ARHGAP6: variants seen among roughly 807,000 people sequenced by gnomAD.
ARHGAP6 encodes the protein Rho GTPase activating protein 6.
ARHGAP6 carries 16 observed loss-of-function variants against 55.7 expected under a neutral mutation model. That is an observed-to-expected ratio of 0.29 (90% CI 0.19 to 0.44). The LOEUF is 0.44. Among genes scored for constraint, ARHGAP6 ranks in the 20% least tolerant of loss-of-function variants. The pLI is 1.00. For synonymous variants in ARHGAP6, 382 were observed against 360.9 expected (o/e 1.06, Z -0.66); for missense variants, 698 against 808.9 (o/e 0.86, Z 1.66).
At chrX:11,572,548 A>G (rs1488977451) in intron 1 of ARHGAP6, among the ~76,000 whole-genome samples, 1 of 111,527 alleles carries the variant, frequency 9.0e-6, no homozygotes, top group Non-Finnish European at 1.9e-5. Context: ...ATAGTATTCC[A>G]TGGTGTATAT....
chrX:11,600,569 CA>C (rs774760853), intron 1 of ARHGAP6, among the ~76,000 whole-genome samples: 1 of 112,217 alleles, frequency 8.9e-6, no homozygotes, highest in East Asian at 2.8e-4. Flanking sequence ...ACCTCCTGTG[CA>C]GGGCTAAGTG....
At chrX:11,299,969 T>A (rs1482278237) in intron 1 of ARHGAP6, among the ~76,000 whole-genome samples, 2 of 112,193 alleles carry the variant, frequency 1.8e-5, no homozygotes, top group African/African-American at 3.2e-5. Context: ...TTTCTGAATT[T>A]AAAAAAATCA....
intron 1 of ARHGAP6, among the ~76,000 whole-genome samples, chrX:11,356,999 C>T (rs971371158): frequency 9.0e-6 from 1 of 111,254 alleles, no homozygotes; most frequent in Non-Finnish European, 1.9e-5. Flanking sequence ...TTCAAATATC[C>T]TCTTTACCTC....
At chrX:11,366,694 T>C (rs925395137) in intron 1 of ARHGAP6, among the ~76,000 whole-genome samples, 2 of 112,005 alleles carry the variant, frequency 1.8e-5, no homozygotes, top group African/African-American at 6.5e-5. Context: ...TGCACAGGGA[T>C]GAGTTTCCTT....
chrX:11,378,919 C>T (rs2049231882), intron 1 of ARHGAP6, among the ~76,000 whole-genome samples: 1 of 112,678 alleles, frequency 8.9e-6, no homozygotes, highest in African/African-American at 3.2e-5. Flanking sequence ...TTGATAGACC[C>T]TTCTCTTCAC....
intron 1 of ARHGAP6, chrX:11,265,685 C>G: frequency 5.8e-6 from 5 of 867,241 alleles, no homozygotes; most frequent in Non-Finnish European, 7.0e-6. Context: ...ATATTGCTTA[C>G]CCATAAATTA....
intron 1 of ARHGAP6, among the ~76,000 whole-genome samples, chrX:11,438,262 G>A (rs2050006503): frequency 2.7e-5 from 3 of 112,390 alleles, no homozygotes; most frequent in South Asian, 7.4e-4. Context: ...TTGGGCAGAT[G>A]CCAAAAGCTG....
intron 9 of ARHGAP6, among the ~76,000 whole-genome samples, chrX:11,165,616 T>G (rs1207024533): frequency 8.9e-6 from 1 of 112,197 alleles, no homozygotes; most frequent in Non-Finnish European, 1.9e-5. Flanking sequence ...GGTCACATTG[T>G]TTCATCTTTT....
At chrX:11,357,270 C>T (rs192564523) in intron 1 of ARHGAP6, among the ~76,000 whole-genome samples, 1 of 111,515 alleles carries the variant, frequency 9.0e-6, no homozygotes, top group Admixed American at 9.5e-5. Flanking sequence ...CTTTATTTAC[C>T]TTTTATAATA....
At chrX:11,377,473 T>G (rs1351314476) in intron 1 of ARHGAP6, among the ~76,000 whole-genome samples, 1 of 111,871 alleles carries the variant, frequency 8.9e-6, no homozygotes, top group Non-Finnish European at 1.9e-5. Flanking sequence ...ATTTTAAAAT[T>G]TATTGTGGTA....
At chrX:11,174,630 T>TC (rs1166051954) in intron 8 of ARHGAP6, among the ~76,000 whole-genome samples, 3 of 24,260 alleles carry the variant, frequency 1.2e-4, no homozygotes, top group South Asian at 2.4e-3. Flanking sequence ...TTCTTTTCTT[T>TC]CTTTCTTTCT....
intron 1 of ARHGAP6, among the ~76,000 whole-genome samples, chrX:11,371,450 C>T (rs2049142876): frequency 8.9e-6 from 1 of 112,120 alleles, no homozygotes; most frequent in South Asian, 3.7e-4. Flanking sequence ...AACTAAAAGA[C>T]CATGCTACTT....
At chrX:11,343,875 T>G (rs1188255981) in intron 1 of ARHGAP6, among the ~76,000 whole-genome samples, 2 of 112,254 alleles carry the variant, frequency 1.8e-5, no homozygotes, top group African/African-American at 3.2e-5. Context: ...TTGCTTGTTT[T>G]GTATTCTGAT....
chrX:11,178,195 G>T lies in ARHGAP6; in HGVS notation c.1534C>A (p.Pro512Thr). Residue 512 changes from proline (P) to threonine (T), a missense_variant, in exon 8 of 13, where the codon CCT becomes ACT. Coordinates refer to ENST00000337414, the MANE Select transcript of ARHGAP6 (RefSeq NM_013427.3). ...GTLQLLIYLL[P>T]PCNCDTLHRL... ...TGGAGGGTGTCGCAGTTGCAGGGAG[G>T]TAGAAGGTATATGAGGAGCTGCAAG... The T allele has an allele frequency of 1.7e-6, 2 of 1,211,021 alleles. No individual in the cohort carries two copies. Among genetic ancestry groups the T allele is most frequent in the South Asian group, 3.5e-5 (2 of 56,784 alleles).
At chrX:11,166,798 T>C (rs1297060115) in intron 9 of ARHGAP6, among the ~76,000 whole-genome samples, 1 of 110,908 alleles carries the variant, frequency 9.0e-6, no homozygotes, top group Non-Finnish European at 1.9e-5. Context: ...ACTAAAGAAA[T>C]AGAAGAAGAT....
chrX:11,335,614 T>C (rs780521485), intron 1 of ARHGAP6: 2 of 241,345 alleles, frequency 8.3e-6, no homozygotes, highest in East Asian at 1.2e-4. Context: ...CTTTATCCAG[T>C]CTATTATTGA....
chrX:11,460,245 G>T (rs1433561013), intron 1 of ARHGAP6, among the ~76,000 whole-genome samples: 1 of 111,672 alleles, frequency 9.0e-6, no homozygotes, highest in Admixed American at 9.5e-5. Flanking sequence ...CACATGGCAA[G>T]GAACTTCAAG....
intron 1 of ARHGAP6, among the ~76,000 whole-genome samples, chrX:11,361,095 T>C (rs1216316337): frequency 3.7e-5 from 4 of 109,376 alleles, no homozygotes; most frequent in Non-Finnish European, 7.6e-5. Context: ...AATTTATAGA[T>C]TCAATGCCAT....
chrX:11,518,945 C>G (rs951246127), intron 1 of ARHGAP6, among the ~76,000 whole-genome samples: 1 of 94,645 alleles, frequency 1.1e-5, no homozygotes, highest in African/African-American at 4.2e-5. Flanking sequence ...TCATCCATGT[C>G]CCTACAAAGG....
Sources: allele counts gnomAD v4.1 joint callset (sites outside exome capture counted in the v4.1 genomes callset), GRCh38; gene constraint gnomAD v4.1.1; transcripts MANE v1.5; gene names NCBI Gene and HGNC (gene_info 2026-07-23, HGNC 2026-07-21).